The following PLS3 variants were observed in gnomAD, a reference collection of about 807,000 sequenced individuals.
PLS3 encodes plastin 3, also known as plastin-3.
In PLS3, 11 loss-of-function variants were observed where a neutral mutation model predicts 46.5. That is an observed-to-expected ratio of 0.24 (90% CI 0.15 to 0.39). The LOEUF (loss-of-function observed/expected upper bound fraction) is 0.39, where lower values mean the gene tolerates loss of function less well. Ranked by LOEUF, PLS3 falls within the 10% of genes least tolerant of loss-of-function variation. The probability of loss-of-function intolerance (pLI) is 1.00; values close to 1 mark genes in which losing one functional copy is unlikely to be tolerated. For synonymous variants in PLS3, 167 were observed against 162.2 expected, an observed-to-expected ratio of 1.03 and a Z score of -0.22; for missense variants, 308 against 461.8, an observed-to-expected ratio of 0.67 and a Z score of 3.05.
Position 115,647,542 on chromosome X carries a change from T to A in PLS3, c.1512-8T>A, listed in dbSNP as rs1556641921. Reference sequence around the variant, plus strand: ...GATGGTGACGTTTTCTTCTGCTGCCTCTCTTAGATATACCCTCAATGTCCT... The same window carrying A: ...GATGGTGACGTTTTCTTCTGCTGCCACTCTTAGATATACCCTCAATGTCCT... On this transcript the variant is annotated splice_region_variant and splice_polypyrimidine_tract_variant and intron_variant, in intron 13 of 15. Coordinates refer to ENST00000355899, the MANE Select transcript of PLS3 (RefSeq NM_005032.7). The A allele has an allele frequency of 8.3e-7, 1 of 1,200,400 alleles. No individual in the cohort carries two copies. The highest frequency in any genetic ancestry group is 2.2e-5 in the Admixed American group (1 of 44,972).
chrX:115,575,694 C>T (rs963859441), intron 1 of PLS3, among the ~76,000 whole-genome samples: 5 of 111,797 alleles, frequency 4.5e-5, no homozygotes, highest in Non-Finnish European at 9.4e-5. Flanking sequence ...CCACCCGCCT[C>T]GGCCTCCCAA....
intron 1 of PLS3, among the ~76,000 whole-genome samples, chrX:115,589,702 G>A (rs2074332385): frequency 1.8e-5 from 2 of 112,149 alleles, no homozygotes; most frequent in Admixed American, 1.9e-4. Context: ...ACGTCTGGAT[G>A]AAAGTTGTAA....
chrX:115,632,331 C>T (rs1329884853), intron 5 of PLS3, among the ~76,000 whole-genome samples: 1 of 110,550 alleles, frequency 9.0e-6, no homozygotes, highest in African/African-American at 3.3e-5. Flanking sequence ...CATAGTGGCT[C>T]GCACCTGTAA....
At chrX:115,612,691 C>T (rs2074559100) in intron 2 of PLS3, among the ~76,000 whole-genome samples, 1 of 111,378 alleles carries the variant, frequency 9.0e-6, no homozygotes, top group South Asian at 3.7e-4. Flanking sequence ...GAGAAAATCT[C>T]TGTAATTACT....
intron 5 of PLS3, among the ~76,000 whole-genome samples, chrX:115,631,862 G>A (rs962618268): frequency 4.8e-4 from 54 of 111,415 alleles, no homozygotes; most frequent in Non-Finnish European, 8.9e-4. Context: ...GGAGTGTAGT[G>A]GCGTGACCTC....
Position 115,629,974 on chromosome X carries a change from T to C in PLS3, c.500+7T>C, listed in dbSNP as rs370706833. The C allele has an allele frequency of 2.6e-6, 3 of 1,147,840 alleles. No individual in the cohort carries two copies. Among genetic ancestry groups the C allele is most frequent in the Non-Finnish European group, 3.5e-6 (3 of 858,339 alleles). The allele number at this position is 1,147,840 out of a possible 1,213,427, so 94.6% of individuals were successfully genotyped here. On this transcript the variant is annotated splice_region_variant and intron_variant, in intron 5 of 15. Transcript: ENST00000355899. Reference sequence around the variant, plus strand: ...GTGATGGAATTGTGCTTTGGTAAGATGTTAGCTTGTTTTATATCCAGATAT... The same window carrying C: ...GTGATGGAATTGTGCTTTGGTAAGACGTTAGCTTGTTTTATATCCAGATAT...
intron 1 of PLS3, among the ~76,000 whole-genome samples, chrX:115,596,867 G>T (rs1556633934): frequency 9.3e-6 from 1 of 107,731 alleles, no homozygotes; most frequent in Non-Finnish European, 1.9e-5. Context: ...AAATAAGGCT[G>T]GGTGCGGTGG....
In PLS3 at chrX:115,647,380, C is replaced by T. The variant is rs187996323; in HGVS notation, c.1512-170C>T. 3.6e-3 allele frequency among the ~76,000 whole-genome samples: 408 copies of T among 112,079 alleles called. 2 individuals carry two copies. The highest frequency in any genetic ancestry group is 6.4e-3 in the Non-Finnish European group (342 of 53,200). Reference sequence around the variant, plus strand: ...CCCGGGAGGCGGAGCTTGCAGTGAGCAGGAGATTGCGCCACTGCACTCCAG... The same window carrying T: ...CCCGGGAGGCGGAGCTTGCAGTGAGTAGGAGATTGCGCCACTGCACTCCAG... On this transcript the variant is annotated intron_variant, in intron 13 of 15. Transcript: ENST00000355899.
intron 2 of PLS3, chrX:115,610,837 A>G: frequency 9.2e-7 from 1 of 1,083,004 alleles, no homozygotes; most frequent in Admixed American, 3.0e-5. Context: ...TTATAGCTTC[A>G]GTATAAGATG....
intron 1 of PLS3, among the ~76,000 whole-genome samples, chrX:115,594,143 A>G (rs1240404420): frequency 5.4e-5 from 6 of 111,737 alleles, no homozygotes; most frequent in Non-Finnish European, 9.4e-5. Context: ...TAAATCAAAC[A>G]GTTGTCTTAG....
intron 1 of PLS3, among the ~76,000 whole-genome samples, chrX:115,575,152 T>G (rs192623912): frequency 8.9e-6 from 1 of 112,094 alleles, no homozygotes; most frequent in African/African-American, 3.2e-5. Context: ...ATTTTCAAGG[T>G]TCACACACCT....
intron 1 of PLS3, among the ~76,000 whole-genome samples, chrX:115,587,229 T>C (rs915036722): frequency 8.9e-6 from 1 of 112,481 alleles, no homozygotes; most frequent in Non-Finnish European, 1.9e-5. Flanking sequence ...TCTTACAACA[T>C]GCATTTCATT....
chrX:115,580,634 A>ATTAG (rs1436688521), intron 1 of PLS3, among the ~76,000 whole-genome samples: 2 of 111,773 alleles, frequency 1.8e-5, no homozygotes, highest in Non-Finnish European at 3.8e-5. Flanking sequence ...AGATGTTCTA[A>ATTAG]GGCTTGTTCC....
chrX:115,628,160 C>T (rs782137798), intron 3 of PLS3, among the ~76,000 whole-genome samples: 1 of 112,125 alleles, frequency 8.9e-6, no homozygotes, highest in Non-Finnish European at 1.9e-5. Context: ...TGCTTCTGCT[C>T]GTGCCTGCTC....
intron 5 of PLS3, 28 bp from the exon 6 acceptor site, chrX:115,633,972 T>A: frequency 1.3e-6 from 1 of 776,533 alleles, no homozygotes; most frequent in Non-Finnish European, 2.0e-6. Flanking sequence ...TTTTTTTACA[T>A]CAGCCTTTTT....
At chrX:115,588,200 C>T (rs2074322396) in intron 1 of PLS3, among the ~76,000 whole-genome samples, 1 of 112,184 alleles carries the variant, frequency 8.9e-6, no homozygotes, top group South Asian at 3.7e-4. Flanking sequence ...TACATTGCAA[C>T]CAACCTTTGA....
intron 9 of PLS3, 59 bp from the exon 10 acceptor site, chrX:115,643,254 G>A: frequency 1.3e-6 from 1 of 753,440 alleles, no homozygotes; most frequent in South Asian, 2.4e-5. Context: ...TGACAGTGGG[G>A]AAATTTTCTA....
At chrX:115,647,358 G>A (rs782184522) in intron 13 of PLS3, among the ~76,000 whole-genome samples, 192 bp from the exon 14 acceptor site, 10 of 112,045 alleles carry the variant, frequency 8.9e-5, no homozygotes, top group African/African-American at 2.9e-4. Context: ...GTGTGAACCC[G>A]GGAGGCGGAG....
At chrX:115,612,611 A>AT (rs1556636262) in intron 2 of PLS3, among the ~76,000 whole-genome samples, 1 of 111,205 alleles carries the variant, frequency 9.0e-6, no homozygotes, top group Non-Finnish European at 1.9e-5. Context: ...TCATTAGATG[A>AT]TTTTCCCCAT....
Sources: gnomAD v4.1 joint callset for allele counts (sites outside exome capture counted in the v4.1 genomes callset) on GRCh38, gnomAD v4.1.1 for gene constraint, MANE v1.5 for transcripts, NCBI Gene and HGNC (gene_info 2026-07-23, HGNC 2026-07-21) for gene names.